Variants in AMZ2 observed in about 807,000 individuals in gnomAD.
AMZ2 encodes archaemetzincin-2.
AMZ2 carries 26 observed loss-of-function variants against 36.7 expected under a neutral mutation model. The ratio of observed to expected loss-of-function variants is 0.71; its 90% CI spans 0.52 to 0.98. AMZ2 has a LOEUF of 0.98. Ranked by LOEUF, AMZ2 falls within the 50% of genes least tolerant of loss-of-function variation. The pLI is 0.00. For synonymous variants in AMZ2, 144 were observed against 149.1 expected (o/e 0.97, Z 0.25); for missense variants, 394 against 430.5 (o/e 0.92, Z 0.75).
chr17:68,249,151 T>C, intron 1 of AMZ2: 1 of 1,137,866 alleles, frequency 8.8e-7, no homozygotes, highest in Non-Finnish European at 1.1e-6. Flanking sequence ...GACATGACTT[T>C]GAGGCCATAA....
intron 1 of AMZ2, among the ~76,000 whole-genome samples, chr17:68,217,789 G>C (rs1372290856): frequency 6.6e-6 from 1 of 150,766 alleles, no homozygotes; most frequent in Non-Finnish European, 1.5e-5. Context: ...GTATAGGTTA[G>C]TGAAGCATAT....
rs553603920 is a variant in AMZ2 at position 68,237,322 on chromosome 17, G to A, written c.-66-11318G>A. Reference sequence around the variant, plus strand: ...ATTTCTGGGCAAAAGGACCAGGCATGGTTTTGTTGTTCTTCCTATTCTTCT... The same window carrying A: ...ATTTCTGGGCAAAAGGACCAGGCATAGTTTTGTTGTTCTTCCTATTCTTCT... On this transcript the variant is annotated intron_variant, in intron 1 of 7. Transcript: ENST00000674770. 4.7e-5 allele frequency among the ~76,000 whole-genome samples: 7 copies of A among 149,544 alleles called. No individual in the cohort carries two copies. The South Asian group carries it at 1.3e-3, about 27-fold the overall frequency.
chr17:68,209,632 A>ATATATATGTATATATATAT, intron 1 of AMZ2, among the ~76,000 whole-genome samples: 2 of 90,688 alleles, frequency 2.2e-5, no homozygotes, highest in East Asian at 8.3e-4. Flanking sequence ...ATATATATAT[A>ATATATATGTATATATATAT]TTTTTTTTTT....
intron 1 of AMZ2, among the ~76,000 whole-genome samples, chr17:68,227,744 G>A (rs775609505): frequency 1.3e-5 from 2 of 152,180 alleles, no homozygotes; most frequent in Admixed American, 1.3e-4. Flanking sequence ...GCTCACACCT[G>A]TAATCCCAGT....
chr17:68,247,111 G>C (rs2074052572), upstream of AMZ2: 1 of 151,822 alleles, frequency 6.6e-6, no homozygotes, highest in African/African-American at 2.4e-5. Context: ...AAGGCGGGCG[G>C]ATCACTTGAG....
rs1228632201 is a variant in AMZ2, at chr17:68,254,506, C to T, written c.689C>T (p.Ser230Leu). The change falls in exon 5 of 7, where the codon TCA becomes TTA. Residue 230 changes from serine (S) to leucine (L), a missense_variant. By Grantham distance (145) the Ser-to-Leu change is moderately radical. Coordinates refer to ENST00000359904, the MANE Select transcript of AMZ2 (RefSeq NM_016627.5). ...AAGAAAACATCTTCAAGTGACTATT[C>T]AATTTTCGACAACTATTATATTCCA... is the stretch of plus-strand genomic sequence containing the variant. ...KLKKTSSSDY[S>L]IFDNYYIPEI... is the part of the protein sequence containing the mutation. 11 of 1,613,074 alleles carry T rather than the reference C, an allele frequency of 6.8e-6. No homozygotes were observed. In the South Asian group the frequency reaches 8.8e-5, roughly 13 times the overall value.
chr17:68,253,924 T>A (rs2074693317), intron 4 of AMZ2, among the ~76,000 whole-genome samples: 1 of 152,064 alleles, frequency 6.6e-6, no homozygotes. Flanking sequence ...GGCTAATTTT[T>A]TTTAGAGACA....
chr17:68,209,163 C>G (rs1383865354), intron 1 of AMZ2, among the ~76,000 whole-genome samples: 2 of 150,996 alleles, frequency 1.3e-5, no homozygotes, highest in Admixed American at 6.6e-5. Context: ...GTAGAAAGGA[C>G]TACATGTAAA....
At chr17:68,220,388 T>A in intron 1 of AMZ2, among the ~76,000 whole-genome samples, 1 of 152,142 alleles carries the variant, frequency 6.6e-6, no homozygotes, top group East Asian at 1.9e-4. Flanking sequence ...TAACTATTTG[T>A]CTTCCAGTCT....
intron 1 of AMZ2, among the ~76,000 whole-genome samples, chr17:68,213,264 C>T (rs1178084011): frequency 2.0e-5 from 3 of 152,180 alleles, no homozygotes; most frequent in Admixed American, 2.0e-4. Context: ...CTGGCCTCTT[C>T]ATAAGGAAAT....
intron 1 of AMZ2, among the ~76,000 whole-genome samples, chr17:68,211,844 G>GTA (rs201190124): frequency 3.3e-5 from 4 of 121,534 alleles, no homozygotes; most frequent in African/African-American, 8.4e-5. Flanking sequence ...ATATGTACAT[G>GTA]TATATATATG....
intron 1 of AMZ2, among the ~76,000 whole-genome samples, chr17:68,234,787 GAAA>G (rs1304840493): frequency 1.8e-5 from 2 of 112,824 alleles, no homozygotes; most frequent in South Asian, 2.8e-4. Context: ...TCAAAAAAAA[GAAA>G]AAAAAAAAAA....
At chr17:68,206,332 C>G in intron 1 of AMZ2, 1 of 1,150,416 alleles carries the variant, frequency 8.7e-7, no homozygotes. Flanking sequence ...GCTCCGATCT[C>G]CCCCCAACCC....
intron 1 of AMZ2, among the ~76,000 whole-genome samples, chr17:68,207,973 C>A (rs1402067896): frequency 2.6e-5 from 4 of 152,106 alleles, no homozygotes; most frequent in African/African-American, 9.7e-5. Context: ...CCCCGCCGGC[C>A]ATGGGCAGTG....
At chr17:68,213,696 C>T (rs2073124194) in intron 1 of AMZ2, among the ~76,000 whole-genome samples, 1 of 152,152 alleles carries the variant, frequency 6.6e-6, no homozygotes, top group Admixed American at 6.6e-5. Flanking sequence ...GAGAACTTCT[C>T]CTGACAACTT....
At chr17:68,217,852 G>A (rs555740897) in intron 1 of AMZ2, among the ~76,000 whole-genome samples, 7 of 141,630 alleles carry the variant, frequency 4.9e-5, no homozygotes, top group East Asian at 2.0e-4. Flanking sequence ...TGGCTCTGTC[G>A]CCCAGGCTGG....
chr17:68,239,955 C>T (rs1414797006), intron 1 of AMZ2, among the ~76,000 whole-genome samples: 2 of 152,110 alleles, frequency 1.3e-5, no homozygotes, highest in African/African-American at 4.8e-5. Flanking sequence ...TAGAGAAATA[C>T]GAAAAGACAT....
In AMZ2 at chr17:68,221,270, A is replaced by G. The variant is rs868971648; in HGVS notation, c.-67+15032A>G. Among the ~76,000 whole-genome samples the G allele has an allele frequency of 7.5e-5, 9 of 119,890 alleles. No homozygotes were observed. In the Middle Eastern group the frequency reaches 0.05, roughly 666 times the overall value. The allele number at this position is 119,890 out of a possible 152,430, so 78.7% of individuals were successfully genotyped here. ...TGCATGCCACCGTGCCCAACTATTT[A>G]TTTATTTATTTAGTAGAGTCAGGGT... On this transcript the variant is annotated intron_variant, in intron 1 of 7. Coordinates refer to the AMZ2 transcript ENST00000674770.
chr17:68,211,092 T>C (rs1230112267), intron 1 of AMZ2, among the ~76,000 whole-genome samples: 1 of 152,054 alleles, frequency 6.6e-6, no homozygotes, highest in Non-Finnish European at 1.5e-5. Context: ...TTCGTTTATA[T>C]GGAATGTCCC....
Sources: gnomAD v4.1 joint callset for allele counts (sites outside exome capture counted in the v4.1 genomes callset) on GRCh38, gnomAD v4.1.1 for gene constraint, MANE v1.5 for transcripts, NCBI Gene and HGNC (gene_info 2026-07-23, HGNC 2026-07-21) for gene names.